UBE2L6: variants seen among roughly 807,000 people sequenced by gnomAD.
UBE2L6 encodes ubiquitin conjugating enzyme E2 L6, also known as ubiquitin/ISG15-conjugating enzyme E2 L6.
In UBE2L6, 11 loss-of-function variants were observed where a neutral mutation model predicts 13.6. The ratio of observed to expected loss-of-function variants is 0.81; its 90% confidence interval spans 0.51 to 1.34. The LOEUF is 1.34. Among genes scored for constraint, UBE2L6 ranks in the 40% most tolerant of loss-of-function variants. UBE2L6 has a pLI of 0.00. For missense variants in UBE2L6, 197 were observed against 199.5 expected, an observed-to-expected ratio of 0.99 and a Z score of 0.07; for synonymous variants, 74 against 83.2, an observed-to-expected ratio of 0.89 and a Z score of 0.60.
At chr11:57,566,573 C>T (rs1025683898) in intron 1 of UBE2L6, among the ~76,000 whole-genome samples, 1 of 152,050 alleles carries the variant, frequency 6.6e-6, no homozygotes, top group Non-Finnish European at 1.5e-5. Context: ...TGGCTCCCAT[C>T]TCTCTTCCAC....
intron 1 of UBE2L6, among the ~76,000 whole-genome samples, chr11:57,563,958 T>C (rs1274048026): frequency 6.6e-6 from 1 of 152,092 alleles, no homozygotes; most frequent in Non-Finnish European, 1.5e-5. Context: ...ATCTAGACAA[T>C]GGCCTCAAAA....
Position 57,552,428 on chromosome 11 carries a change from T to C in UBE2L6, c.392A>G (p.Gln131Arg), listed in dbSNP as rs1565157933. 2 of 1,614,210 alleles carry C rather than the reference T, an allele frequency of 1.2e-6. No individual in the cohort carries two copies. The highest frequency in any genetic ancestry group is 1.1e-5 in the South Asian group (1 of 91,082). Reference protein sequence around the residue: ...LRMDLADLLTQNPELFRKNAE... With the variant: ...LRMDLADLLTRNPELFRKNAE... ...ATTCTTTCTGAACAGCTCCGGATTC[T>C]GTGTCAGCAGGTCAGCGAGGTCCAT... Residue 131 changes from glutamine (Q) to arginine (R), a missense_variant, in exon 4 of 4, where the codon CAG becomes CGG. By Grantham distance (43) the Gln-to-Arg change is conservative. Coordinates refer to ENST00000287156, the MANE Select transcript of UBE2L6 (RefSeq NM_004223.5).
chr11:57,560,309 C>T, intron 2 of UBE2L6, 28 bp downstream of exon 2: 1 of 1,598,344 alleles, frequency 6.3e-7, no homozygotes, highest in Non-Finnish European at 8.6e-7. Flanking sequence ...GGCCCCAATC[C>T]AAAGCCATGG....
Position 57,556,313 on chromosome 11 carries a change from G to A in UBE2L6, c.124-1690C>T, listed in dbSNP as rs111299947. Among the ~76,000 whole-genome samples, 1,054 of 152,238 alleles carry A rather than the reference G, an allele frequency of 6.9e-3. 12 individuals carry two copies. The highest frequency in any genetic ancestry group is 0.024 in the African/African-American group (1,001 of 41,532). ...CATGTGATCTAACTAGGCCGGGCAC[G>A]ATGGCTCACGTTTGTAATCCCAGCA... On this transcript the variant is annotated intron_variant, in intron 2 of 3. Transcript: ENST00000287156.
At chr11:57,566,942 T>TACCC in intron 1 of UBE2L6, 1 of 193,392 alleles carries the variant, frequency 5.2e-6, no homozygotes, top group South Asian at 2.7e-5. Flanking sequence ...TGTTCATCTC[T>TACCC]GCCCGCCCCC....
intron 1 of UBE2L6, among the ~76,000 whole-genome samples, chr11:57,562,040 G>A (rs1945051791): frequency 6.6e-6 from 1 of 152,240 alleles, no homozygotes; most frequent in Non-Finnish European, 1.5e-5. Flanking sequence ...CAGAGATGCT[G>A]ATAAACATCC....
chr11:57,557,319 G>A (rs144064172), intron 2 of UBE2L6, among the ~76,000 whole-genome samples: 1 of 151,478 alleles, frequency 6.6e-6, no homozygotes, highest in Non-Finnish European at 1.5e-5. Flanking sequence ...ATCTGTACAC[G>A]TGGCTCCCCT....
chr11:57,552,482 T>C lies in UBE2L6; in HGVS notation c.338A>G (p.Asn113Ser), dbSNP rs1944966911. 3.1e-6 allele frequency: 5 copies of C among 1,614,178 alleles called. No individual in the cohort carries two copies. The highest frequency in any genetic ancestry group is 4.2e-6 in the Non-Finnish European group (5 of 1,180,032). The change falls in exon 4 of 4, where the codon AAT (asparagine) becomes AGT (serine). Residue 113 changes from asparagine (N) to serine (S), a missense_variant. Transcript: ENST00000287156. ...QVLEALNVLV[N>S]RPNIREPLRM... is the part of the protein sequence containing the mutation. ...CAGGGGCTCCCTGATATTCGGTCTA[T>C]TCACCAGCACATTGAGGGCCTCCAG...
At chr11:57,554,204 C>G (rs769488893) in intron 3 of UBE2L6, among the ~76,000 whole-genome samples, 1 of 152,162 alleles carries the variant, frequency 6.6e-6, no homozygotes, top group Non-Finnish European at 1.5e-5. Context: ...GCTGCCTCTC[C>G]CATGAACCGC....
At chr11:57,567,134 A>G in intron 1 of UBE2L6, 1 of 460,140 alleles carries the variant, frequency 2.2e-6, no homozygotes, top group South Asian at 1.5e-5. Context: ...GACTCTAGTA[A>G]TACAGGCATC....
At chr11:57,553,222 G>A (rs947162538) in intron 3 of UBE2L6, among the ~76,000 whole-genome samples, 1 of 152,238 alleles carries the variant, frequency 6.6e-6, no homozygotes, top group East Asian at 1.9e-4. Context: ...GGCTGGGCAC[G>A]GTGGCTCACG....
chr11:57,552,145 C>T lies in UBE2L6; in HGVS notation c.*213G>A, dbSNP rs1944963405. On this transcript the variant is annotated 3_prime_UTR_variant, in exon 4 of 4. Transcript: ENST00000287156. ...ATGTAAAGGGTGTGGGAAGGGTGCA[C>T]CTGTGGCCAGGTGAACCTGGGAGTG... The T allele has an allele frequency of 1.5e-6, 1 of 647,138 alleles. No homozygotes were observed. The highest frequency in any genetic ancestry group is 1.8e-5 in the African/African-American group (1 of 54,668). The allele number at this position is 647,138 out of a possible 1,614,324, so 40.1% of individuals were successfully genotyped here.
Position 57,554,468 on chromosome 11 carries a change from C to G in UBE2L6, c.279G>C (p.Glu93Asp). The change falls in exon 3 of 4, where the codon GAG (glutamate) becomes GAC (aspartate). Residue 93 changes from glutamate to aspartate, a missense_variant. Glu to Asp is a conservative substitution (Grantham distance 45, BLOSUM62 2). Transcript: ENST00000287156. ...AAGTCTTGGTGCAAGGCTTCCAGTT[C>G]TCACTGCTGATGATGGGCAGGCAAA... The part of the protein sequence containing the change: ...GQICLPIISS[E>D]NWKPCTKTCQ... 2 of 1,614,116 alleles carry G rather than the reference C, an allele frequency of 1.2e-6. No homozygotes were observed. Among genetic ancestry groups the G allele is most frequent in the Non-Finnish European group, 8.5e-7 (1 of 1,180,002 alleles).
chr11:57,554,469 T>A lies in UBE2L6; in HGVS notation c.278A>T (p.Glu93Val). Reference protein sequence around the residue: ...GQICLPIISSENWKPCTKTCQ... With the variant: ...GQICLPIISSVNWKPCTKTCQ... ...AGTCTTGGTGCAAGGCTTCCAGTTC[T>A]CACTGCTGATGATGGGCAGGCAAAT... Residue 93 changes from glutamate (E) to valine (V), a missense_variant, in exon 3 of 4, where the codon GAG (glutamate) becomes GTG (valine). Glu to Val is a moderately radical substitution (Grantham distance 121, BLOSUM62 -2). Coordinates refer to ENST00000287156, the MANE Select transcript of UBE2L6 (RefSeq NM_004223.5). The A allele has an allele frequency of 6.2e-7, 1 of 1,614,142 alleles. No homozygotes were observed. Among genetic ancestry groups the A allele is most frequent in the Non-Finnish European group, 8.5e-7 (1 of 1,180,004 alleles).
At chr11:57,558,444 G>A (rs986437256) in intron 2 of UBE2L6, among the ~76,000 whole-genome samples, 1 of 152,132 alleles carries the variant, frequency 6.6e-6, no homozygotes, top group Non-Finnish European at 1.5e-5. Context: ...AGAAGACCCT[G>A]GAGTCCGCTG....
chr11:57,567,660 C>T lies in UBE2L6; in HGVS notation c.-49G>A. 1.3e-6 allele frequency: 2 copies of T among 1,576,614 alleles called. No individual in the cohort carries two copies. The highest frequency in any genetic ancestry group is 1.7e-6 in the Non-Finnish European group (2 of 1,160,114). ...CGTGGCCTCCAGCAGGACCGAGCTCCGACCCGCGACACAGCGCGCCCCGCC... is the reference window on the plus strand; with the variant it reads ...CGTGGCCTCCAGCAGGACCGAGCTCTGACCCGCGACACAGCGCGCCCCGCC... On this transcript the variant is annotated 5_prime_UTR_variant, in exon 1 of 4. Coordinates refer to ENST00000287156, the MANE Select transcript of UBE2L6 (RefSeq NM_004223.5).
chr11:57,554,888 GT>G (rs1457079192), intron 2 of UBE2L6, among the ~76,000 whole-genome samples: 1 of 144,622 alleles, frequency 6.9e-6, no homozygotes, highest in Non-Finnish European at 1.5e-5. Context: ...CTAGGCCTCA[GT>G]TTCCTCATTT....
At chr11:57,566,942 T>TCCCCCCCCCCCCCC in intron 1 of UBE2L6, 1 of 193,392 alleles carries the variant, frequency 5.2e-6, no homozygotes, top group Non-Finnish European at 1.0e-5. Flanking sequence ...TGTTCATCTC[T>TCCCCCCCCCCCCCC]GCCCGCCCCC....
At chr11:57,557,119 G>A (rs1031114484) in intron 2 of UBE2L6, among the ~76,000 whole-genome samples, 2 of 152,002 alleles carry the variant, frequency 1.3e-5, no homozygotes, top group Non-Finnish European at 2.9e-5. Context: ...CAATGTTGGA[G>A]GTGGGGCCTA....
Sources: allele counts gnomAD v4.1 joint callset (sites outside exome capture counted in the v4.1 genomes callset), GRCh38; gene constraint gnomAD v4.1.1; transcripts MANE v1.5; gene names NCBI Gene and HGNC (gene_info 2026-07-23, HGNC 2026-07-21).